RTN4: variants seen among roughly 807,000 people sequenced by gnomAD.
The protein encoded by RTN4 is reticulon-4.
RTN4 carries 32 observed loss-of-function variants against 90.4 expected under a neutral mutation model. That is an observed-to-expected ratio of 0.35 (90% CI 0.27 to 0.48). The LOEUF is 0.48. Among genes scored for constraint, RTN4 ranks in the 20% least tolerant of loss-of-function variants. RTN4 has a pLI of 0.99. For synonymous variants in RTN4, 629 were observed against 552.5 expected (o/e 1.14, Z -1.94); for missense variants, 1,706 against 1,430.2 (o/e 1.19, Z -3.11).
At chr2:55,092,781 T>C (rs1021333957) in intron 1 of RTN4, among the ~76,000 whole-genome samples, 2 of 152,210 alleles carry the variant, frequency 1.3e-5, no homozygotes, top group Admixed American at 1.3e-4. Flanking sequence ...CAATTTCAGT[T>C]TGGGGGCTCC....
intron 1 of RTN4, among the ~76,000 whole-genome samples, chr2:55,099,851 G>C (rs1395767707): frequency 2.0e-5 from 3 of 152,094 alleles, no homozygotes; most frequent in African/African-American, 7.3e-5. Context: ...AAAATGCTTA[G>C]AATAGGGCCT....
intron 1 of RTN4, among the ~76,000 whole-genome samples, chr2:55,047,287 G>A (rs376008357): frequency 1.7e-4 from 26 of 148,620 alleles, no homozygotes; most frequent in South Asian, 4.2e-4. Context: ...CCAAGATTGC[G>A]TCATTGCACT....
At chr2:54,974,454 T>G (rs996475745) in intron 6 of RTN4, among the ~76,000 whole-genome samples, 1 of 152,226 alleles carries the variant, frequency 6.6e-6, no homozygotes, top group Non-Finnish European at 1.5e-5. Context: ...TAATTTTTTC[T>G]ATTTTTAGTA....
chr2:55,083,145 A>T (rs1276189422), intron 1 of RTN4, among the ~76,000 whole-genome samples: 1 of 152,232 alleles, frequency 6.6e-6, no homozygotes, highest in Non-Finnish European at 1.5e-5. Flanking sequence ...TAAAAGTGAT[A>T]TCTATGACAG....
intron 3 of RTN4, among the ~76,000 whole-genome samples, chr2:55,019,877 T>C (rs1558811681): frequency 6.6e-6 from 1 of 151,738 alleles, no homozygotes; most frequent in Admixed American, 6.6e-5. Flanking sequence ...ATAAAATCAA[T>C]AACAAAAATA....
chr2:55,074,060 C>T (rs1160121000), intron 2 of RTN4, among the ~76,000 whole-genome samples: 1 of 152,208 alleles, frequency 6.6e-6, no homozygotes, highest in East Asian at 1.9e-4. Context: ...AGTAAGTAAA[C>T]ATAATGCACT....
the RTN4 span, among the ~76,000 whole-genome samples, chr2:55,126,367 C>G: frequency 1.1e-4 from 17 of 149,608 alleles, no homozygotes; most frequent in African/African-American, 3.9e-4. Context: ...AAAACTCCGT[C>G]TCAAAAAGAA....
chr2:55,063,270 C>T (rs182302229), intron 2 of RTN4, among the ~76,000 whole-genome samples: 19 of 152,208 alleles, frequency 1.2e-4, no homozygotes, highest in East Asian at 1.9e-4. Context: ...TTAGGTGAGG[C>T]GGGAAAGCCT....
intron 3 of RTN4, among the ~76,000 whole-genome samples, chr2:54,995,359 G>A (rs750875560): frequency 5.9e-5 from 9 of 152,064 alleles, no homozygotes; most frequent in Non-Finnish European, 8.8e-5. Context: ...TGGTGAATCA[G>A]TGATGGTGGT....
chr2:55,025,820 T>C lies in RTN4; in HGVS notation c.2279A>G (p.Gln760Arg), dbSNP rs766793640. Reference sequence around the variant, plus strand: ...TTTCACAAGCATCACAGTTTCATCTTGTTTTTGTGGAACGTCAGGTATTGA... The same window carrying C: ...TTTCACAAGCATCACAGTTTCATCTCGTTTTTGTGGAACGTCAGGTATTGA... ...DDSIPDVPQKQDETVMLVKES... is the reference protein window; with the variant it reads ...DDSIPDVPQKRDETVMLVKES... Residue 760 changes from glutamine to arginine, a missense_variant, in exon 3 of 9, where the codon CAA (glutamine) becomes CGA (arginine). Coordinates refer to ENST00000337526, the MANE Select transcript of RTN4 (RefSeq NM_020532.5). 1.2e-6 allele frequency: 2 copies of C among 1,613,724 alleles called. No individual in the cohort carries two copies. Among genetic ancestry groups the C allele is most frequent in the South Asian group, 2.2e-5 (2 of 91,070 alleles).
chr2:54,999,624 CAAAT>C (rs982957264), intron 3 of RTN4, among the ~76,000 whole-genome samples: 3 of 152,050 alleles, frequency 2.0e-5, no homozygotes, highest in African/African-American at 7.2e-5. Context: ...AGGAAATAAA[CAAAT>C]GAATATATAA....
chr2:54,996,476 C>T (rs1313392443), intron 3 of RTN4, among the ~76,000 whole-genome samples: 1 of 152,146 alleles, frequency 6.6e-6, no homozygotes, highest in Non-Finnish European at 1.5e-5. Context: ...AGAGTAGTTA[C>T]ACAAGGACAA....
the RTN4 span, among the ~76,000 whole-genome samples, chr2:55,135,637 A>C: frequency 6.6e-6 from 1 of 152,204 alleles, no homozygotes; most frequent in South Asian, 2.1e-4. Context: ...GTAAGTTTTG[A>C]CATGTGTATA....
At chr2:55,061,346 G>C (rs1376617454) in intron 2 of RTN4, among the ~76,000 whole-genome samples, 1 of 152,158 alleles carries the variant, frequency 6.6e-6, no homozygotes, top group African/African-American at 2.4e-5. Context: ...TTACAGACGT[G>C]AGCCACCAAG....
intron 1 of RTN4, among the ~76,000 whole-genome samples, chr2:55,037,329 C>A (rs1344823439): frequency 1.3e-5 from 2 of 152,222 alleles, no homozygotes; most frequent in African/African-American, 4.8e-5. Context: ...TTTTACACAT[C>A]TTCCCTTTGT....
At position 54,972,707 on chromosome 2, in the gene RTN4, C is replaced by A. The variant is rs527437068; in HGVS notation, c.*449G>T. 6.5e-6 allele frequency: 1 copy of A among 153,982 alleles called. No homozygotes were observed. The highest frequency in any genetic ancestry group is 2.4e-5 in the African/African-American group (1 of 41,404). The allele number at this position is 153,982 out of a possible 1,614,324, so 9.5% of individuals were successfully genotyped here. On this transcript the variant is annotated 3_prime_UTR_variant, in exon 9 of 9. Coordinates refer to ENST00000337526, the MANE Select transcript of RTN4 (RefSeq NM_020532.5). The stretch of plus-strand genomic sequence containing the variant: ...GCAAGCTTTGTCATTCCTGCTTTAC[C>A]GGTATGATCTCGTCTAAACAAACAT...
At chr2:55,113,344 G>T (rs1573525750), upstream of RTN4, among the ~76,000 whole-genome samples, 1 of 152,162 alleles carries the variant, frequency 6.6e-6, no homozygotes, top group African/African-American at 2.4e-5. Context: ...ACTGGGGCAT[G>T]TTCAGGTCAA....
Position 55,066,328 on chromosome 2 carries a change from G to A in RTN4, c.-63+14161C>T, listed in dbSNP as rs528629841. ...GTTACCTTAGACAACTGGGATGTGG[G>A]ACTGAGGGCTGGGGTTTGTACATAA... On this transcript the variant is annotated intron_variant, in intron 2 of 3. Transcript: ENST00000427710. Among the ~76,000 whole-genome samples the A allele has an allele frequency of 3.9e-5, 6 of 152,186 alleles. No homozygotes were observed. The South Asian group carries it at 1.2e-3, about 32-fold the overall frequency.
intron 2 of RTN4, among the ~76,000 whole-genome samples, chr2:55,070,266 C>G (rs563471897): frequency 1.6e-3 from 248 of 152,082 alleles, no homozygotes; most frequent in African/African-American, 5.5e-3. Flanking sequence ...TCCCCACCCC[C>G]CCAAACAAAA....
Sources: gnomAD v4.1 joint callset for allele counts (sites outside exome capture counted in the v4.1 genomes callset) on GRCh38, gnomAD v4.1.1 for gene constraint, MANE v1.5 for transcripts, NCBI Gene and HGNC (gene_info 2026-07-23, HGNC 2026-07-21) for gene names.